ST8SIA6: variants seen among roughly 807,000 people sequenced by gnomAD.
ST8SIA6 encodes the protein ST8 alpha-N-acetyl-neuraminide alpha-2,8-sialyltransferase 6.
ST8SIA6 carries 39 observed loss-of-function variants against 33.6 expected under a neutral mutation model. The observed-to-expected ratio is 1.16, with a 90% CI of 0.90 to 1.52. The LOEUF (loss-of-function observed/expected upper bound fraction) is 1.52. Among genes scored for constraint, ST8SIA6 ranks in the 40% most tolerant of loss-of-function variants. ST8SIA6 has a pLI of 0.00. For missense variants in ST8SIA6, 441 were observed against 443.8 expected, an observed-to-expected ratio of 0.99 and a Z score of 0.06; for synonymous variants, 172 against 167.2, an observed-to-expected ratio of 1.03 and a Z score of -0.22.
At chr10:17,325,663 G>A (rs1045928349) in intron 6 of ST8SIA6, among the ~76,000 whole-genome samples, 1 of 152,006 alleles carries the variant, frequency 6.6e-6, no homozygotes, top group African/African-American at 2.4e-5. Context: ...ACCAAAATAA[G>A]TACAGGCTTA....
At chr10:17,381,710 C>T (rs188720629) in intron 3 of ST8SIA6, among the ~76,000 whole-genome samples, 77 of 152,300 alleles carry the variant, frequency 5.1e-4, no homozygotes, top group Non-Finnish European at 9.0e-4. Context: ...GCATGGGTTA[C>T]AAAACTGTAA....
At chr10:17,418,149 C>T (rs1851660589) in intron 2 of ST8SIA6, among the ~76,000 whole-genome samples, 1 of 152,188 alleles carries the variant, frequency 6.6e-6, no homozygotes, top group African/African-American at 2.4e-5. Flanking sequence ...GCCTGGAGCT[C>T]CTGGTCTCAA....
At chr10:17,379,143 C>CAA (rs911759116) in intron 3 of ST8SIA6, among the ~76,000 whole-genome samples, 3 of 65,322 alleles carry the variant, frequency 4.6e-5, no homozygotes, top group South Asian at 5.5e-4. Flanking sequence ...AAAACAAAAA[C>CAA]AAAAAAAACC....
intron 2 of ST8SIA6, among the ~76,000 whole-genome samples, chr10:17,433,927 A>G (rs531411097): frequency 3.9e-5 from 6 of 152,124 alleles, no homozygotes; most frequent in Non-Finnish European, 8.8e-5. Flanking sequence ...TCAGCTTCAC[A>G]AACCCATCTT....
chr10:17,401,258 C>G (rs1401668561), intron 2 of ST8SIA6, among the ~76,000 whole-genome samples: 7 of 152,126 alleles, frequency 4.6e-5, no homozygotes, highest in Non-Finnish European at 1.0e-4. Context: ...GAACTACAAA[C>G]CACTGCTCAA....
Position 17,384,005 on chromosome 10 carries a change from G to A in ST8SIA6, c.290+6526C>T, listed in dbSNP as rs777872120. 4.1e-4 allele frequency among the ~76,000 whole-genome samples: 63 copies of A among 152,294 alleles called. 1 individual carries two copies. Among genetic ancestry groups the A allele is most frequent in the African/African-American group, 1.1e-3 (46 of 41,568 alleles). ...AACTTATGGCAATACAGTTATTTGC[G>A]TAAGTGCAATAGGAATCTGTTTTCA... On this transcript the variant is annotated intron_variant, in intron 3 of 7. Transcript: ENST00000377602.
rs1453469129 is a variant in ST8SIA6, at chr10:17,319,049, G to A, written c.*1829C>T. Reference sequence around the variant, plus strand: ...AGAGAGTAGGAGAGCTTCAAACAATGGCCAACAACCCCAATCTGCTGTGAA... The same window carrying A: ...AGAGAGTAGGAGAGCTTCAAACAATAGCCAACAACCCCAATCTGCTGTGAA... On this transcript the variant is annotated 3_prime_UTR_variant, in exon 8 of 8. Coordinates refer to ENST00000377602, the MANE Select transcript of ST8SIA6 (RefSeq NM_001004470.3). Among the ~76,000 whole-genome samples the A allele has an allele frequency of 6.6e-6, 1 of 152,018 alleles. No homozygotes were observed. Among genetic ancestry groups the A allele is most frequent in the Non-Finnish European group, 1.5e-5 (1 of 68,016 alleles).
intron 2 of ST8SIA6, among the ~76,000 whole-genome samples, chr10:17,438,474 TAA>T (rs796904699): frequency 1.4e-5 from 2 of 143,780 alleles, no homozygotes; most frequent in African/African-American, 5.1e-5. Flanking sequence ...AAAACTAAAC[TAA>T]AAAAAAAAAA....
intron 3 of ST8SIA6, among the ~76,000 whole-genome samples, chr10:17,374,368 A>C (rs1203818033): frequency 6.6e-6 from 1 of 152,174 alleles, no homozygotes; most frequent in Non-Finnish European, 1.5e-5. Context: ...TAAATTTGAC[A>C]TAACTTTTGT....
chr10:17,379,007 T>G (rs1469321250), intron 3 of ST8SIA6, among the ~76,000 whole-genome samples: 2 of 151,898 alleles, frequency 1.3e-5, no homozygotes, highest in Non-Finnish European at 2.9e-5. Context: ...GCGCCTGTAG[T>G]CCCAGCTACT....
At chr10:17,346,279 C>G (rs966891323) in intron 4 of ST8SIA6, among the ~76,000 whole-genome samples, 9 of 152,174 alleles carry the variant, frequency 5.9e-5, no homozygotes, top group African/African-American at 2.2e-4. Flanking sequence ...TCAGATGACT[C>G]CAGTGGACTG....
intron 2 of ST8SIA6, among the ~76,000 whole-genome samples, chr10:17,421,783 T>A (rs1443132983): frequency 6.6e-6 from 1 of 152,110 alleles, no homozygotes; most frequent in East Asian, 1.9e-4. Flanking sequence ...TCCAGGCTGG[T>A]CTCAAACTCC....
intron 4 of ST8SIA6, among the ~76,000 whole-genome samples, chr10:17,342,165 G>A (rs532547427): frequency 3.9e-5 from 6 of 152,282 alleles, no homozygotes; most frequent in South Asian, 2.1e-4. Flanking sequence ...AGCAGCCAGC[G>A]GTGATGTCCA....
At chr10:17,338,135 A>AT (rs1848566535) in intron 4 of ST8SIA6, among the ~76,000 whole-genome samples, 1 of 151,262 alleles carries the variant, frequency 6.6e-6, no homozygotes, top group East Asian at 1.9e-4. Context: ...CCCGGGTTCA[A>AT]TTGATTCTCC....
intron 2 of ST8SIA6, among the ~76,000 whole-genome samples, chr10:17,430,038 C>T (rs1469182321): frequency 6.6e-6 from 1 of 151,926 alleles, no homozygotes; most frequent in Non-Finnish European, 1.5e-5. Flanking sequence ...TTTTTTGATC[C>T]CTAGCCCTCC....
At chr10:17,327,197 T>TA in intron 5 of ST8SIA6, 71 bp from the exon 6 acceptor site, 1 of 1,165,992 alleles carries the variant, frequency 8.6e-7, no homozygotes, top group Non-Finnish European at 1.2e-6. Context: ...AGCTTAATTC[T>TA]AGTAACTTAA....
At chr10:17,349,596 G>A (rs1276357518) in intron 4 of ST8SIA6, among the ~76,000 whole-genome samples, 1 of 152,142 alleles carries the variant, frequency 6.6e-6, no homozygotes, top group East Asian at 1.9e-4. Context: ...GAATAAAGAC[G>A]TTGCCATAAA....
At chr10:17,372,162 A>G (rs1393209836) in intron 3 of ST8SIA6, among the ~76,000 whole-genome samples, 1 of 152,248 alleles carries the variant, frequency 6.6e-6, no homozygotes, top group Non-Finnish European at 1.5e-5. Context: ...GCCATCAGCC[A>G]GGATCTTACC....
At chr10:17,428,435 G>T (rs979123849) in intron 2 of ST8SIA6, among the ~76,000 whole-genome samples, 2 of 152,120 alleles carry the variant, frequency 1.3e-5, no homozygotes, top group Non-Finnish European at 1.5e-5. Flanking sequence ...CAAAAATGAT[G>T]GGTAGTCCCT....
Sources: gnomAD v4.1 joint callset for allele counts (sites outside exome capture counted in the v4.1 genomes callset) on GRCh38, gnomAD v4.1.1 for gene constraint, MANE v1.5 for transcripts, NCBI Gene and HGNC (gene_info 2026-07-23, HGNC 2026-07-21) for gene names.